The following TBC1D22A variants were observed in gnomAD, a reference collection of about 807,000 sequenced individuals.
The protein encoded by TBC1D22A is putative GTPase activator.
In TBC1D22A, 38 loss-of-function variants were observed where a neutral mutation model predicts 60.2. The ratio of observed to expected loss-of-function variants is 0.63; its 90% CI spans 0.49 to 0.83. The LOEUF (loss-of-function observed/expected upper bound fraction) is 0.83, where lower values mean the gene tolerates loss of function less well. Among genes scored for constraint, TBC1D22A ranks in the 40% least tolerant of loss-of-function variants. TBC1D22A has a pLI of 0.00. For missense variants in TBC1D22A, 628 were observed against 701.0 expected (o/e 0.90, Z 1.18); for synonymous variants, 302 against 281.7 (o/e 1.07, Z -0.72).
chr22:46,922,049 A>G (rs1464084463), intron 8 of TBC1D22A, among the ~76,000 whole-genome samples: 1 of 152,186 alleles, frequency 6.6e-6, no homozygotes, highest in African/African-American at 2.4e-5. Flanking sequence ...TCTTTAATCT[A>G]TCTTGAGTTG....
intron 10 of TBC1D22A, among the ~76,000 whole-genome samples, chr22:47,018,725 A>G (rs548559332): frequency 2.4e-4 from 37 of 152,076 alleles, no homozygotes; most frequent in African/African-American, 8.4e-4. Context: ...TCTCCTGCTC[A>G]CCGGTCGTCA....
intron 7 of TBC1D22A, among the ~76,000 whole-genome samples, chr22:46,906,928 C>T (rs961289849): frequency 2.0e-5 from 3 of 151,912 alleles, no homozygotes; most frequent in Non-Finnish European, 4.4e-5. Flanking sequence ...CATGTGTGCG[C>T]GTGTGCTCTC....
intron 12 of TBC1D22A, among the ~76,000 whole-genome samples, chr22:47,142,260 A>G (rs979121031): frequency 1.1e-4 from 2 of 18,442 alleles, no homozygotes; most frequent in African/African-American, 4.4e-4. Flanking sequence ...TCACCCACCC[A>G]CCCACCCACT....
chr22:46,823,110 A>G (rs2085899624), intron 4 of TBC1D22A, among the ~76,000 whole-genome samples: 1 of 152,156 alleles, frequency 6.6e-6, no homozygotes, highest in South Asian at 2.1e-4. Flanking sequence ...TTTGAAATCC[A>G]AAGCATCTTA....
At chr22:47,059,733 C>G (rs2063506764) in intron 11 of TBC1D22A, among the ~76,000 whole-genome samples, 2 of 152,210 alleles carry the variant, frequency 1.3e-5, no homozygotes, top group Non-Finnish European at 2.9e-5. Context: ...TGAGCTCCAG[C>G]AGCATCCCTG....
rs1285609410 is a variant in TBC1D22A, at chr22:46,990,397, G to GA, written c.1126-7236dup. ...CAGAAAAATTGAGCAGGAGGTTAGA[G>GA]AGGCCCCATGTGCTCCTCAGCGTCC... On this transcript the variant is annotated intron_variant, in intron 9 of 12. Transcript: ENST00000337137. The surrounding 1 kb of genome is among the most constrained non-coding windows in gnomAD (Gnocchi z 4.6). Among the ~76,000 whole-genome samples, 2 of 152,038 alleles carry GA rather than the reference G, an allele frequency of 1.3e-5. No individual in the cohort carries two copies. Among genetic ancestry groups the GA allele is most frequent in the South Asian group, 2.1e-4 (1 of 4,816 alleles).
rs76655264 is a variant in TBC1D22A, at chr22:47,049,200, G to T, written c.1329+12002G>T. On this transcript the variant is annotated intron_variant, in intron 11 of 12. Transcript: ENST00000337137. ...TACATGACCAGGCTTGTGATATTCA[G>T]ACGGTTTCCTGGGCCAACCTTCGGC... Among the ~76,000 whole-genome samples the T allele has an allele frequency of 6.7e-3, 1,020 of 152,348 alleles. 18 individuals are homozygous for T. Among genetic ancestry groups the T allele is most frequent in the African/African-American group, 0.024 (981 of 41,580 alleles).
At chr22:46,822,872 G>A (rs1181641414) in intron 4 of TBC1D22A, among the ~76,000 whole-genome samples, 1 of 152,102 alleles carries the variant, frequency 6.6e-6, no homozygotes, top group African/African-American at 2.4e-5. Flanking sequence ...TGCTTGAATG[G>A]GGACCCTGGG....
intron 8 of TBC1D22A, among the ~76,000 whole-genome samples, chr22:46,950,790 G>A (rs1458277686): frequency 6.6e-6 from 1 of 152,190 alleles, no homozygotes; most frequent in East Asian, 1.9e-4. Context: ...TCTCCGGGAT[G>A]GATGTGTGCA....
At chr22:46,836,292 T>C (rs2147184865) in intron 4 of TBC1D22A, among the ~76,000 whole-genome samples, 2 of 152,328 alleles carry the variant, frequency 1.3e-5, no homozygotes, top group Admixed American at 1.3e-4. Context: ...TACAAAGATG[T>C]AAATTAATTA....
At chr22:46,832,568 A>C (rs1484196982) in intron 4 of TBC1D22A, among the ~76,000 whole-genome samples, 2 of 152,066 alleles carry the variant, frequency 1.3e-5, no homozygotes, top group Non-Finnish European at 2.9e-5. Context: ...ATCGCTTGAA[A>C]CAGAAAGGCA....
intron 12 of TBC1D22A, among the ~76,000 whole-genome samples, chr22:47,139,028 A>G (rs1213735762): frequency 2.0e-5 from 3 of 152,202 alleles, no homozygotes. Context: ...CGAAACCCAG[A>G]ATACCAGGAG....
chr22:46,841,483 A>C (rs908998482), intron 4 of TBC1D22A, among the ~76,000 whole-genome samples: 5 of 152,244 alleles, frequency 3.3e-5, no homozygotes, highest in Admixed American at 6.5e-5. Flanking sequence ...AACAGTACTA[A>C]TGGAGTGAGA....
At chr22:46,921,643 T>G (rs1220023344) in intron 8 of TBC1D22A, among the ~76,000 whole-genome samples, 2 of 152,240 alleles carry the variant, frequency 1.3e-5, no homozygotes, top group African/African-American at 2.4e-5. Context: ...AGTTCTGCTT[T>G]AAGTTATTAG....
chr22:46,878,623 GT>G, intron 4 of TBC1D22A, 29 bp from the exon 5 acceptor site: 1 of 1,611,358 alleles, frequency 6.2e-7, no homozygotes, highest in Non-Finnish European at 8.5e-7. Context: ...TGCAAATCTT[GT>G]TTTTCCTTGT....
chr22:47,007,275 GC>G (rs1256362593), intron 10 of TBC1D22A, among the ~76,000 whole-genome samples: 3 of 152,206 alleles, frequency 2.0e-5, no homozygotes, highest in Admixed American at 6.5e-5. Flanking sequence ...GGCTCGCTGT[GC>G]CTAGGGCACT....
rs746003425 is a variant in TBC1D22A at position 47,070,238 on chromosome 22, C to T, written c.1329+33040C>T. Among the ~76,000 whole-genome samples the T allele has an allele frequency of 5.9e-3, 754 of 128,618 alleles. 10 individuals carry two copies. Among genetic ancestry groups the T allele is most frequent in the African/African-American group, 0.02 (682 of 34,474 alleles). 84.4% of individuals were successfully genotyped at this position (128,618 alleles called of 152,430 possible). ...TTTGGTTGGAGCGGAGCTGACCTGA[C>T]GGTTCCAGGCTGTTCCCTGTTGTTT... On this transcript the variant is annotated intron_variant, in intron 11 of 12. Coordinates refer to ENST00000337137, the MANE Select transcript of TBC1D22A (RefSeq NM_014346.5).
At chr22:46,869,085 C>T (rs1322459217) in intron 4 of TBC1D22A, among the ~76,000 whole-genome samples, 1 of 152,222 alleles carries the variant, frequency 6.6e-6, no homozygotes, top group Admixed American at 6.5e-5. Context: ...TGCTGTCCAT[C>T]CTTCACATTT....
At chr22:46,829,522 G>T (rs1287044958) in intron 4 of TBC1D22A, among the ~76,000 whole-genome samples, 1 of 152,194 alleles carries the variant, frequency 6.6e-6, no homozygotes, top group Non-Finnish European at 1.5e-5. Flanking sequence ...AGCACGGAGA[G>T]AATACATCTG....
Sources: gnomAD v4.1 joint callset for allele counts (sites outside exome capture counted in the v4.1 genomes callset) on GRCh38, gnomAD v4.1.1 for gene constraint, Gnocchi (gnomAD v3.1) non-coding constraint, MANE v1.5 for transcripts, NCBI Gene and HGNC (gene_info 2026-07-23, HGNC 2026-07-21) for gene names.